Variants in MAST2 observed in about 807,000 individuals in gnomAD.
MAST2 encodes microtubule associated serine/threonine kinase 2.
MAST2 carries 70 observed loss-of-function variants against 147.4 expected under a neutral mutation model. The ratio of observed to expected loss-of-function variants is 0.47; its 90% CI spans 0.39 to 0.58. The LOEUF is 0.58. Ranked by LOEUF, MAST2 falls within the 20% of genes least tolerant of loss-of-function variation. The pLI is 0.00. For missense variants in MAST2, 2,080 were observed against 2,302.3 expected (o/e 0.90, Z 1.98); for synonymous variants, 869 against 896.8 (o/e 0.97, Z 0.55).
At chr1:45,821,974 C>G (rs2148693301) in intron 1 of MAST2, among the ~76,000 whole-genome samples, 1 of 144,684 alleles carries the variant, frequency 6.9e-6, no homozygotes, top group East Asian at 2.1e-4. Flanking sequence ...CTGCAACCTC[C>G]ACCTCCCAGG....
chr1:45,897,943 C>T (rs892570550), intron 4 of MAST2, among the ~76,000 whole-genome samples: 8 of 151,830 alleles, frequency 5.3e-5, no homozygotes. Flanking sequence ...TCCGTCTCTA[C>T]TAAAAATACA....
intron 4 of MAST2, among the ~76,000 whole-genome samples, chr1:45,900,981 C>T (rs1374682566): frequency 6.6e-6 from 1 of 152,058 alleles, no homozygotes; most frequent in Non-Finnish European, 1.5e-5. Flanking sequence ...GTTTCTTGTG[C>T]TGTACAGAAG....
At chr1:45,865,569 C>T (rs997403718) in intron 3 of MAST2, among the ~76,000 whole-genome samples, 2 of 152,060 alleles carry the variant, frequency 1.3e-5, no homozygotes, top group Non-Finnish European at 2.9e-5. Context: ...TATCACTTGG[C>T]ATATACACAT....
chr1:45,984,307 A>AT (rs376546439), intron 5 of MAST2, among the ~76,000 whole-genome samples: 2,779 of 144,406 alleles, frequency 0.019, 42 homozygotes, highest in East Asian at 0.062. Context: ...TTAATTTTTA[A>AT]TTTTTTTTTT....
intron 4 of MAST2, among the ~76,000 whole-genome samples, chr1:45,901,700 T>G (rs1231301040): frequency 6.6e-6 from 1 of 152,224 alleles, no homozygotes. Flanking sequence ...GTCTTTCATC[T>G]TCTTGGTTAA....
At chr1:45,919,083 A>G (rs187361364) in intron 4 of MAST2, among the ~76,000 whole-genome samples, 14 of 152,276 alleles carry the variant, frequency 9.2e-5, no homozygotes, top group African/African-American at 3.4e-4. Flanking sequence ...AGATCATACC[A>G]CTGCACTCCA....
At chr1:45,834,460 C>T (rs1198264281) in intron 3 of MAST2, among the ~76,000 whole-genome samples, 1 of 152,030 alleles carries the variant, frequency 6.6e-6, no homozygotes, top group Non-Finnish European at 1.5e-5. Flanking sequence ...TCTCAGAGGA[C>T]TTATTTTCCC....
intron 4 of MAST2, among the ~76,000 whole-genome samples, chr1:45,886,133 T>C (rs1647072499): frequency 6.6e-6 from 1 of 151,526 alleles, no homozygotes; most frequent in South Asian, 2.1e-4. Flanking sequence ...AATTTTGTAT[T>C]GTCCAGGAAT....
At chr1:45,998,140 T>C (rs1645131804) in intron 6 of MAST2, among the ~76,000 whole-genome samples, 1 of 152,234 alleles carries the variant, frequency 6.6e-6, no homozygotes, top group African/African-American at 2.4e-5. Flanking sequence ...AGAACTGTCC[T>C]ACAGTGATGA....
Position 46,034,639 on chromosome 1 carries a change from C to A in MAST2, c.3970C>A (p.Pro1324Thr). 6.2e-7 allele frequency: 1 copy of A among 1,614,150 alleles called. No homozygotes were observed. Among genetic ancestry groups the A allele is most frequent in the South Asian group, 1.1e-5 (1 of 91,082 alleles). ...TRPSSLHGLA[P>T]KLQRQYRSPR... ...GCCCAGCTCCCTCCACGGTCTGGCA[C>A]CCAAGCTCCAACGCCAGTACCGCTC... The change falls in exon 29 of 29, where the codon CCC (proline) becomes ACC (threonine). Residue 1324 changes from proline (P) to threonine (T), a missense_variant. Physicochemically the swap from Pro to Thr is conservative, Grantham distance 38 (BLOSUM62 -1). Coordinates refer to ENST00000361297, the MANE Select transcript of MAST2 (RefSeq NM_015112.3).
rs1008972623 is a variant in MAST2 at position 46,023,686 on chromosome 1, G to A, written c.1572-86G>A. 2.5e-6 allele frequency: 3 copies of A among 1,200,778 alleles called. No homozygotes were observed. The highest frequency in any genetic ancestry group is 2.0e-5 in the Admixed American group (1 of 49,982). The allele number at this position is 1,200,778 out of a possible 1,614,324, so 74.4% of individuals were successfully genotyped here. ...CCCCCTTGTTCTGTGCATTAATTAA[G>A]GTGTGAGAGAAGGCAGTTTGGGTGG... On this transcript the variant is annotated intron_variant, in intron 14 of 28. Coordinates refer to ENST00000361297, the MANE Select transcript of MAST2 (RefSeq NM_015112.3). The surrounding 1 kb of genome is among the most constrained non-coding windows in gnomAD (Gnocchi z 4.9).
intron 4 of MAST2, among the ~76,000 whole-genome samples, chr1:45,888,373 A>AT (rs909359273): frequency 1.3e-5 from 2 of 151,406 alleles, no homozygotes; most frequent in Non-Finnish European, 2.9e-5. Flanking sequence ...ATTTTATTTT[A>AT]TTTTTTTGAG....
chr1:46,002,431 T>C lies in MAST2; in HGVS notation c.669-374T>C, dbSNP rs373845349. ...AACACGGAGCCTTCACAAATGGAAA[T>C]AGCTGCATTTCAGTGGCAGTTCTAT... On this transcript the variant is annotated intron_variant, in intron 6 of 28. Transcript: ENST00000361297. Among the ~76,000 whole-genome samples, 108 of 152,294 alleles carry C rather than the reference T, an allele frequency of 7.1e-4. 2 individuals carry two copies. Among genetic ancestry groups the C allele is most frequent in the African/African-American group, 2.6e-3 (106 of 41,560 alleles).
At chr1:45,841,131 G>A (rs910739081) in intron 3 of MAST2, among the ~76,000 whole-genome samples, 6 of 151,766 alleles carry the variant, frequency 4.0e-5, no homozygotes, top group African/African-American at 1.5e-4. Flanking sequence ...ATTTGTAATG[G>A]GGGTTGGGGG....
intron 4 of MAST2, among the ~76,000 whole-genome samples, chr1:45,921,261 TG>T (rs965512871): frequency 2.0e-5 from 3 of 152,236 alleles, no homozygotes; most frequent in Admixed American, 6.5e-5. Context: ...CCCAAAGTGC[TG>T]GGATTACAGG....
chr1:45,856,443 A>C (rs1263748966), intron 3 of MAST2, among the ~76,000 whole-genome samples: 1 of 152,206 alleles, frequency 6.6e-6, no homozygotes, highest in Admixed American at 6.5e-5. Flanking sequence ...CAAATGTGAG[A>C]CTATTTGCAG....
chr1:45,909,977 G>A (rs1440433665), intron 4 of MAST2, among the ~76,000 whole-genome samples: 1 of 150,502 alleles, frequency 6.6e-6, no homozygotes, highest in African/African-American at 2.4e-5. Context: ...TGCCTGCCTC[G>A]GCCTCCCAAA....
chr1:46,025,769 TACTTACACA>T lies in MAST2; in HGVS notation c.1877_1885del (p.Leu626_Asn628del). 1 of 1,614,068 alleles carries T rather than the reference TACTTACACA, an allele frequency of 6.2e-7. No homozygotes were observed. ...TGCGGAAACTGTGCTGGCCCTGGAG[TACTTACACA>T]ACTATGGCATCGTGCACCGTGACCT... On this transcript the variant is annotated inframe_deletion, in exon 16 of 29. Transcript: ENST00000361297.
chr1:45,944,772 C>T (rs986153557), intron 4 of MAST2, among the ~76,000 whole-genome samples: 4 of 152,312 alleles, frequency 2.6e-5, no homozygotes, highest in African/African-American at 9.6e-5. Flanking sequence ...CAGTATCTCT[C>T]TCTACTGTGG....
Sources: allele counts gnomAD v4.1 joint callset (sites outside exome capture counted in the v4.1 genomes callset), GRCh38; gene constraint gnomAD v4.1.1; non-coding constraint Gnocchi (gnomAD v3.1); transcripts MANE v1.5; gene names NCBI Gene and HGNC (gene_info 2026-07-23, HGNC 2026-07-21).